The following GPR158 variants were observed in gnomAD, a reference collection of about 807,000 sequenced individuals.
GPR158 encodes the protein G protein-coupled receptor 158, also known as metabotropic glycine receptor.
In GPR158, 30 loss-of-function variants were observed where a neutral mutation model predicts 78.2. The observed-to-expected ratio is 0.38, with a 90% confidence interval of 0.29 to 0.52. The LOEUF is 0.52. Among genes scored for constraint, GPR158 ranks in the 20% least tolerant of loss-of-function variants. The pLI, the probability that GPR158 is intolerant of heterozygous loss-of-function variation, is 0.83. For synonymous variants in GPR158, 581 were observed against 591.1 expected, an observed-to-expected ratio of 0.98 and a Z score of 0.25; for missense variants, 1,463 against 1,523.5, an observed-to-expected ratio of 0.96 and a Z score of 0.66.
At chr10:25,388,003 G>A (rs78295573) in intron 2 of GPR158, among the ~76,000 whole-genome samples, 2,628 of 151,906 alleles carry the variant, frequency 0.017, 65 homozygotes, top group African/African-American at 0.05. Flanking sequence ...TCTTGATAGC[G>A]TGTATGTTTC....
intron 7 of GPR158, among the ~76,000 whole-genome samples, chr10:25,577,903 G>C (rs1837126811): frequency 6.6e-6 from 1 of 152,202 alleles, no homozygotes; most frequent in Non-Finnish European, 1.5e-5. Flanking sequence ...TAAAGACATT[G>C]CTACATGGAC....
intron 2 of GPR158, among the ~76,000 whole-genome samples, chr10:25,284,142 G>A (rs911792631): frequency 3.9e-5 from 6 of 152,036 alleles, no homozygotes; most frequent in Non-Finnish European, 8.8e-5. Flanking sequence ...GGTTGATAGT[G>A]TTGTTCAGGG....
chr10:25,336,070 A>C (rs990127314), intron 2 of GPR158, among the ~76,000 whole-genome samples: 1 of 152,190 alleles, frequency 6.6e-6, no homozygotes, highest in Non-Finnish European at 1.5e-5. Flanking sequence ...ATGTGAAGAT[A>C]GATCATTGTC....
chr10:25,477,035 G>A lies in GPR158; in HGVS notation c.1404+10316G>A, dbSNP rs144340932. On this transcript the variant is annotated intron_variant, in intron 5 of 10. Transcript: ENST00000376351. The stretch of plus-strand genomic sequence containing the variant: ...CTAACATCAGGTTGGTTTTAGTGGT[G>A]TAGAACCTATGTCAGTTAAGAGATT... Among the ~76,000 whole-genome samples, 476 of 152,192 alleles carry A rather than the reference G, an allele frequency of 3.1e-3. 1 individual carries two copies. Among genetic ancestry groups the A allele is most frequent in the African/African-American group, 9.6e-3 (400 of 41,524 alleles).
chr10:25,569,484 T>C (rs1836975394), intron 6 of GPR158, among the ~76,000 whole-genome samples: 1 of 152,216 alleles, frequency 6.6e-6, no homozygotes, highest in Non-Finnish European at 1.5e-5. Context: ...GGAAAGAATA[T>C]ATAGTTCATA....
chr10:25,473,468 A>T (rs1835538464), intron 5 of GPR158, among the ~76,000 whole-genome samples: 1 of 152,180 alleles, frequency 6.6e-6, no homozygotes, highest in African/African-American at 2.4e-5. Flanking sequence ...TGCTGGCCTC[A>T]TAAAATGAGT....
At chr10:25,279,644 G>A (rs1854239088) in intron 2 of GPR158, among the ~76,000 whole-genome samples, 1 of 152,136 alleles carries the variant, frequency 6.6e-6, no homozygotes, top group South Asian at 2.1e-4. Context: ...TATCTGTTTA[G>A]TGACCTCGCA....
At chr10:25,248,552 C>A (rs1304033230) in intron 2 of GPR158, among the ~76,000 whole-genome samples, 1 of 150,240 alleles carries the variant, frequency 6.7e-6, no homozygotes, top group Non-Finnish European at 1.5e-5. Context: ...GTTTTCCCAG[C>A]ACCATTTATT....
At chr10:25,374,728 G>A (rs999008458) in intron 2 of GPR158, among the ~76,000 whole-genome samples, 2 of 151,642 alleles carry the variant, frequency 1.3e-5, no homozygotes, top group Non-Finnish European at 1.5e-5. Context: ...TGTATCAATC[G>A]TGTGTTCCTT....
At chr10:25,467,629 C>T (rs1835443437) in intron 5 of GPR158, among the ~76,000 whole-genome samples, 1 of 152,102 alleles carries the variant, frequency 6.6e-6, no homozygotes, top group South Asian at 2.1e-4. Context: ...CATGACTCCC[C>T]AGACCCCTTA....
chr10:25,579,515 C>T (rs1044656146), intron 7 of GPR158, among the ~76,000 whole-genome samples: 7 of 152,174 alleles, frequency 4.6e-5, no homozygotes, highest in Non-Finnish European at 8.8e-5. Context: ...TTGGATAGCA[C>T]TCAATTTGTG....
intron 5 of GPR158, among the ~76,000 whole-genome samples, chr10:25,502,040 T>C (rs1835951041): frequency 6.6e-6 from 1 of 152,078 alleles, no homozygotes; most frequent in African/African-American, 2.4e-5. Context: ...TCTGCTACTC[T>C]CCTCCTGGGT....
intron 2 of GPR158, among the ~76,000 whole-genome samples, chr10:25,358,171 T>C (rs1049366335): frequency 3.3e-5 from 5 of 152,100 alleles, no homozygotes; most frequent in African/African-American, 1.2e-4. Flanking sequence ...GTACCCCCAT[T>C]GTATCAAGCA....
chr10:25,437,389 C>T (rs181207260), intron 4 of GPR158, among the ~76,000 whole-genome samples: 5 of 78,464 alleles, frequency 6.4e-5, no homozygotes, highest in African/African-American at 2.0e-4. Context: ...CCAAGCCTGG[C>T]TCATTTTTGT....
intron 2 of GPR158, among the ~76,000 whole-genome samples, chr10:25,300,350 T>C (rs1295538249): frequency 1.3e-5 from 2 of 152,212 alleles, no homozygotes; most frequent in Non-Finnish European, 2.9e-5. Context: ...TCATCTCCAG[T>C]TGACTCTCTT....
intron 2 of GPR158, among the ~76,000 whole-genome samples, chr10:25,241,558 T>A (rs1301036757): frequency 6.6e-6 from 1 of 151,622 alleles, no homozygotes. Flanking sequence ...GTAGATGGGG[T>A]TACAGGTGCG....
chr10:25,269,991 A>G (rs970474267), intron 2 of GPR158, among the ~76,000 whole-genome samples: 1 of 152,134 alleles, frequency 6.6e-6, no homozygotes, highest in Admixed American at 6.6e-5. Flanking sequence ...GGCCTTTTAT[A>G]TTGGGAATTC....
chr10:25,372,100 GAAA>G (rs36131738), intron 2 of GPR158, among the ~76,000 whole-genome samples: 1 of 149,578 alleles, frequency 6.7e-6, no homozygotes, highest in Non-Finnish European at 1.5e-5. Flanking sequence ...AAAAACACAT[GAAA>G]AAAATGCTCA....
chr10:25,334,314 G>A (rs2130496283), intron 2 of GPR158, among the ~76,000 whole-genome samples: 1 of 152,048 alleles, frequency 6.6e-6, no homozygotes, highest in South Asian at 2.1e-4. Context: ...ATAAAATTTG[G>A]AACAATTATT....
Sources: allele counts gnomAD v4.1 joint callset (sites outside exome capture counted in the v4.1 genomes callset), GRCh38; gene constraint gnomAD v4.1.1; transcripts MANE v1.5; gene names NCBI Gene and HGNC (gene_info 2026-07-23, HGNC 2026-07-21).